The following TMC1 variants were observed in gnomAD, a reference collection of about 807,000 sequenced individuals.
The protein encoded by TMC1 is transmembrane channel like 1.
Under a neutral mutation model 105.8 loss-of-function variants are expected in TMC1, and 84 were observed. The ratio of observed to expected loss-of-function variants is 0.79; its 90% CI spans 0.67 to 0.95. TMC1 has a LOEUF of 0.95. TMC1 is among the 40% of genes least tolerant of loss of function. The probability of loss-of-function intolerance (pLI) is 0.00; values close to 1 mark genes in which losing one functional copy is unlikely to be tolerated. For missense variants in TMC1, 817 were observed against 914.1 expected, an observed-to-expected ratio of 0.89 and a Z score of 1.37; for synonymous variants, 315 against 311.5, an observed-to-expected ratio of 1.01 and a Z score of -0.12.
chr9:72,816,236 C>G, intron 19 of TMC1, 26 bp downstream of exon 19: 1 of 1,608,228 alleles, frequency 6.2e-7, no homozygotes, highest in South Asian at 1.1e-5. Flanking sequence ...GACAGCTTAT[C>G]ACTTACAGAA....
intron 1 of TMC1, among the ~76,000 whole-genome samples, chr9:72,535,033 C>G (rs956144950): frequency 1.7e-5 from 2 of 119,876 alleles, no homozygotes; most frequent in Non-Finnish European, 3.3e-5. Flanking sequence ...GCAGTCGATT[C>G]ATGGATCTCT....
At chr9:72,763,259 C>G (rs1827784405) in intron 12 of TMC1, among the ~76,000 whole-genome samples, 2 of 151,996 alleles carry the variant, frequency 1.3e-5, no homozygotes, top group Admixed American at 1.3e-4. Context: ...TGGAAGTGAC[C>G]ATAGAAATGA....
rs543120670 is a variant in TMC1 at position 72,815,977 on chromosome 9, G to C, written c.1696-166G>C. On this transcript the variant is annotated intron_variant, in intron 18 of 23. Transcript: ENST00000297784. ...TCTCACTGTGTTTAAAAAAAAAAAG[G>C]TGCTTTCTTTGTTTTATTTATATCT... is the stretch of plus-strand genomic sequence containing the variant. 3.3e-5 allele frequency among the ~76,000 whole-genome samples: 5 copies of C among 152,126 alleles called. No homozygotes were observed. The South Asian group carries it at 1.0e-3, about 32-fold the overall frequency.
At chr9:72,814,329 G>A (rs764956240) in intron 18 of TMC1, among the ~76,000 whole-genome samples, 2 of 152,132 alleles carry the variant, frequency 1.3e-5, no homozygotes, top group Non-Finnish European at 2.9e-5. Flanking sequence ...CACTCCCCCA[G>A]AAGGAAAAAG....
chr9:72,691,355 GT>G (rs1259341416), intron 6 of TMC1, among the ~76,000 whole-genome samples: 3 of 152,118 alleles, frequency 2.0e-5, no homozygotes, highest in East Asian at 3.9e-4. Flanking sequence ...TTTGGGGTAT[GT>G]TTTCCTGTTT....
intron 23 of TMC1, among the ~76,000 whole-genome samples, chr9:72,832,738 G>A (rs550215852): frequency 2.0e-5 from 3 of 152,120 alleles, no homozygotes; most frequent in East Asian, 3.9e-4. Context: ...AATGCTGGGT[G>A]CTGAATTAGA....
intron 1 of TMC1, among the ~76,000 whole-genome samples, chr9:72,540,911 C>T (rs959885353): frequency 6.6e-6 from 1 of 152,208 alleles, no homozygotes; most frequent in Non-Finnish European, 1.5e-5. Flanking sequence ...TGTTGTGAAG[C>T]TTCAGTGAGT....
At chr9:72,754,046 G>C (rs950376125) in intron 11 of TMC1, among the ~76,000 whole-genome samples, 5 of 152,166 alleles carry the variant, frequency 3.3e-5, no homozygotes, top group African/African-American at 1.2e-4. Context: ...TTCATCTTCT[G>C]TTCCCAGCTT....
At chr9:72,760,943 T>C (rs1827746962) in intron 12 of TMC1, among the ~76,000 whole-genome samples, 2 of 152,276 alleles carry the variant, frequency 1.3e-5, no homozygotes, top group South Asian at 4.2e-4. Flanking sequence ...CCAAATTCTC[T>C]TCAGTTAATA....
chr9:72,533,501 G>T (rs1823530928), intron 1 of TMC1, among the ~76,000 whole-genome samples: 1 of 152,158 alleles, frequency 6.6e-6, no homozygotes, highest in African/African-American at 2.4e-5. Flanking sequence ...CAGAGTTGTG[G>T]TTAAGTACAC....
intron 1 of TMC1, among the ~76,000 whole-genome samples, chr9:72,529,168 G>A (rs571798976): frequency 5.8e-4 from 88 of 151,350 alleles, no homozygotes; most frequent in African/African-American, 2.0e-3. Context: ...GGCGGGTGGG[G>A]CGGTGGGTGG....
intron 1 of TMC1, among the ~76,000 whole-genome samples, chr9:72,570,895 G>A (rs1435528994): frequency 6.7e-6 from 1 of 149,716 alleles, no homozygotes; most frequent in Non-Finnish European, 1.5e-5. Context: ...TGCCATGTTG[G>A]CCAGGCTGGT....
intron 1 of TMC1, among the ~76,000 whole-genome samples, chr9:72,542,126 C>A (rs1420048322): frequency 6.6e-6 from 1 of 152,066 alleles, no homozygotes; most frequent in African/African-American, 2.4e-5. Flanking sequence ...AAGTTTGAAA[C>A]TAACCTGGCC....
intron 2 of TMC1, among the ~76,000 whole-genome samples, chr9:72,589,407 A>G (rs1824600889): frequency 6.6e-6 from 1 of 152,222 alleles, no homozygotes. Context: ...CTTGCCAACA[A>G]ATGAAATTAT....
intron 8 of TMC1, among the ~76,000 whole-genome samples, chr9:72,732,745 G>GTAGAGCTGTGCTACTTAC (rs1827234662): frequency 1.3e-5 from 2 of 152,166 alleles, no homozygotes; most frequent in East Asian, 3.9e-4. Flanking sequence ...CTCAAAAAGA[G>GTAGAGCTGTGCTACTTAC]TAGAGCTGTG....
At chr9:72,818,947 CATACAAACAATGTGCACGT>C (rs1270817581) in intron 19 of TMC1, among the ~76,000 whole-genome samples, 1 of 152,126 alleles carries the variant, frequency 6.6e-6, no homozygotes, top group East Asian at 1.9e-4. Context: ...TAAGCATATA[CATACAAACAATGTGCACGT>C]ATATAGGTAC....
At chr9:72,547,491 G>A (rs1018421098) in intron 1 of TMC1, among the ~76,000 whole-genome samples, 7 of 152,142 alleles carry the variant, frequency 4.6e-5, no homozygotes, top group African/African-American at 1.4e-4. Flanking sequence ...CATAGTTTCA[G>A]CATTGCCATG....
At chr9:72,830,563 T>C (rs1327704707) in intron 22 of TMC1, 34 bp downstream of exon 22, 11 of 1,601,258 alleles carry the variant, frequency 6.9e-6, no homozygotes, top group Non-Finnish European at 9.4e-6. Context: ...AAATATTATC[T>C]TTATTAATGT....
At chr9:72,541,349 T>C (rs976937243) in intron 1 of TMC1, among the ~76,000 whole-genome samples, 9 of 152,214 alleles carry the variant, frequency 5.9e-5, no homozygotes, top group Admixed American at 2.6e-4. Flanking sequence ...GAACAGTAGA[T>C]ACTGAATAAG....
Sources: gnomAD v4.1 joint callset for allele counts (sites outside exome capture counted in the v4.1 genomes callset) on GRCh38, gnomAD v4.1.1 for gene constraint, MANE v1.5 for transcripts, NCBI Gene and HGNC (gene_info 2026-07-23, HGNC 2026-07-21) for gene names.